NELL1: variants seen among roughly 807,000 people sequenced by gnomAD.
NELL1 encodes protein kinase C-binding protein NELL1.
NELL1 carries 76 observed loss-of-function variants against 107.4 expected under a neutral mutation model. That is an observed-to-expected ratio of 0.71 (90% CI 0.59 to 0.86). The LOEUF (loss-of-function observed/expected upper bound fraction) is 0.86. Ranked by LOEUF, NELL1 falls within the 40% of genes least tolerant of loss-of-function variation. NELL1 has a pLI of 0.00. For missense variants in NELL1, 1,024 were observed against 1,005.5 expected (o/e 1.02, Z -0.25); for synonymous variants, 353 against 341.2 (o/e 1.03, Z -0.38).
At chr11:20,976,090 AT>A in intron 12 of NELL1, among the ~76,000 whole-genome samples, 1 of 135,630 alleles carries the variant, frequency 7.4e-6, no homozygotes, top group Non-Finnish European at 1.6e-5. Context: ...TATACATTAC[AT>A]TTATATATAC....
chr11:20,971,909 A>AC (rs1389770639), intron 12 of NELL1, among the ~76,000 whole-genome samples: 2 of 152,108 alleles, frequency 1.3e-5, no homozygotes, highest in Non-Finnish European at 2.9e-5. Flanking sequence ...ATCATCCTCA[A>AC]CAAACTAACA....
chr11:21,211,291 G>GAAGAGC (rs1857491822), intron 13 of NELL1, among the ~76,000 whole-genome samples: 1 of 152,082 alleles, frequency 6.6e-6, no homozygotes, highest in African/African-American at 2.4e-5. Context: ...GATGAAGAGG[G>GAAGAGC]AAGAGCATAT....
chr11:21,404,877 T>C (rs1029452861), intron 15 of NELL1, among the ~76,000 whole-genome samples: 3 of 152,016 alleles, frequency 2.0e-5, no homozygotes, highest in Non-Finnish European at 2.9e-5. Flanking sequence ...GATCAGACTC[T>C]CAGTGTTTTT....
At chr11:20,826,452 T>C (rs1857885583) in intron 3 of NELL1, among the ~76,000 whole-genome samples, 1 of 151,302 alleles carries the variant, frequency 6.6e-6, no homozygotes, top group African/African-American at 2.4e-5. Flanking sequence ...ATGGTGAATG[T>C]GACCTTTATT....
At chr11:20,915,717 A>ATATATATATATTTTTTTTTT in intron 5 of NELL1, among the ~76,000 whole-genome samples, 2 of 58,224 alleles carry the variant, frequency 3.4e-5, no homozygotes, top group African/African-American at 1.8e-4. Context: ...ATATATATAT[A>ATATATATATATTTTTTTTTT]TTTTTTTTTT....
At chr11:21,166,852 G>A (rs1047827652) in intron 13 of NELL1, among the ~76,000 whole-genome samples, 7 of 151,978 alleles carry the variant, frequency 4.6e-5, no homozygotes, top group Middle Eastern at 6.8e-3. Context: ...ATGGCCTTTT[G>A]TTATTAAAAG....
intron 14 of NELL1, among the ~76,000 whole-genome samples, chr11:21,306,577 A>C (rs1849609615): frequency 6.6e-6 from 1 of 152,022 alleles, no homozygotes; most frequent in Non-Finnish European, 1.5e-5. Flanking sequence ...TCTGAGAGCA[A>C]TTATCCCTTT....
intron 3 of NELL1, among the ~76,000 whole-genome samples, chr11:20,803,813 C>T (rs1857327050): frequency 6.6e-6 from 1 of 151,998 alleles, no homozygotes; most frequent in African/African-American, 2.4e-5. Flanking sequence ...GCAGACCCAC[C>T]CTTAATCTGG....
intron 5 of NELL1, among the ~76,000 whole-genome samples, chr11:20,913,800 G>A (rs1339962821): frequency 7.7e-6 from 1 of 130,674 alleles, no homozygotes; most frequent in South Asian, 2.8e-4. Flanking sequence ...CTAACAATAA[G>A]AAAATGGATT....
chr11:20,887,591 C>G (rs557271749), intron 5 of NELL1, among the ~76,000 whole-genome samples: 1 of 152,280 alleles, frequency 6.6e-6, no homozygotes, highest in Admixed American at 6.5e-5. Context: ...AGTCCACTAT[C>G]TAGCAGAAGG....
intron 7 of NELL1, among the ~76,000 whole-genome samples, chr11:20,925,913 T>C (rs1342903836): frequency 1.3e-5 from 2 of 152,126 alleles, no homozygotes; most frequent in African/African-American, 2.4e-5. Context: ...GGAAGGTGTA[T>C]GAAATGGAAC....
At chr11:21,352,816 A>G (rs1850847900) in intron 14 of NELL1, among the ~76,000 whole-genome samples, 1 of 152,148 alleles carries the variant, frequency 6.6e-6, no homozygotes, top group Non-Finnish European at 1.5e-5. Context: ...AAATGTTATT[A>G]AATGATTTCT....
intron 2 of NELL1, among the ~76,000 whole-genome samples, chr11:20,721,051 A>G (rs1855369422): frequency 6.6e-6 from 1 of 151,876 alleles, no homozygotes. Flanking sequence ...TTTATTTAGG[A>G]TGACAGCTTT....
chr11:21,252,084 T>C (rs1458295206), intron 14 of NELL1, among the ~76,000 whole-genome samples: 1 of 152,120 alleles, frequency 6.6e-6, no homozygotes, highest in Admixed American at 6.5e-5. Flanking sequence ...TCTTGCTAAA[T>C]CTCCAAAGGA....
chr11:21,115,483 G>C (rs946511273), intron 13 of NELL1, among the ~76,000 whole-genome samples: 1 of 152,026 alleles, frequency 6.6e-6, no homozygotes, highest in African/African-American at 2.4e-5. Flanking sequence ...AAGGTTGGGT[G>C]CTGTGGAGGA....
chr11:20,790,551 A>G lies in NELL1; in HGVS notation c.335+6721A>G, dbSNP rs569797063. 2.0e-5 allele frequency among the ~76,000 whole-genome samples: 3 copies of G among 152,246 alleles called. No homozygotes were observed. The South Asian group carries it at 6.2e-4, about 32-fold the overall frequency. ...GCGTGGGCCCACAGCTGCAGCTGTG[A>G]AGGGAAGGGTTGGGGCTCTTGCCTG... On this transcript the variant is annotated intron_variant, in intron 3 of 19. Transcript: ENST00000357134.
intron 3 of NELL1, among the ~76,000 whole-genome samples, chr11:20,815,171 T>A (rs1049266595): frequency 3.3e-5 from 5 of 152,112 alleles, no homozygotes; most frequent in Non-Finnish European, 7.4e-5. Context: ...TTCAAGTGAT[T>A]CTCCTGCCTC....
chr11:21,151,451 T>C (rs1413287513), intron 13 of NELL1, among the ~76,000 whole-genome samples: 5 of 152,164 alleles, frequency 3.3e-5, no homozygotes, highest in Non-Finnish European at 7.3e-5. Flanking sequence ...TATTTGTGTG[T>C]GCATGCTGCG....
chr11:20,869,316 A>T, intron 4 of NELL1, among the ~76,000 whole-genome samples: 1 of 152,168 alleles, frequency 6.6e-6, no homozygotes. Context: ...ATGTGCATAG[A>T]AATTTTCATT....
Sources: allele counts gnomAD v4.1 joint callset (sites outside exome capture counted in the v4.1 genomes callset), GRCh38; gene constraint gnomAD v4.1.1; transcripts MANE v1.5; gene names NCBI Gene and HGNC (gene_info 2026-07-23, HGNC 2026-07-21).